MACF1: variants seen among roughly 807,000 people sequenced by gnomAD.
MACF1 encodes the protein microtubule actin crosslinking factor 1.
Under a neutral mutation model 854.8 loss-of-function variants are expected in MACF1, and 193 were observed. The observed-to-expected ratio is 0.23, with a 90% CI of 0.20 to 0.25. The LOEUF (loss-of-function observed/expected upper bound fraction) is 0.25. Among genes scored for constraint, MACF1 ranks in the 10% least tolerant of loss-of-function variants. MACF1 has a pLI of 1.00. For missense variants in MACF1, 7,722 were observed against 8,929.1 expected (o/e 0.86, Z 5.45); for synonymous variants, 3,185 against 3,226.7 (o/e 0.99, Z 0.44).
Position 39,358,845 on chromosome 1 carries a change from T to C in MACF1, c.12092T>C (p.Val4031Ala). The C allele has an allele frequency of 6.2e-7, 1 of 1,611,096 alleles. No individual in the cohort carries two copies. Among genetic ancestry groups the C allele is most frequent in the Non-Finnish European group, 8.5e-7 (1 of 1,179,268 alleles). ...LSDTVASDPG[V>A]LQEQLATTKQ... is the part of the protein sequence containing the mutation. The stretch of plus-strand genomic sequence containing the variant: ...GATACTGTTGCCTCTGACCCTGGAG[T>C]TCTCCAGGAGCAGCTTGCAACAACA... The change falls in exon 46 of 101, where the codon GTT becomes GCT. Residue 4031 changes from valine (V) to alanine (A), a missense_variant. Physicochemically the swap from Val to Ala is moderately conservative, Grantham distance 64. This residue lies in a region of MACF1 where 2,807 missense variants were observed against 3,235.8 expected (regional missense o/e 0.87). Coordinates refer to ENST00000564288, the MANE Select transcript of MACF1 (RefSeq NM_001394062.1).
Position 39,336,623 on chromosome 1 carries a change from T to A in MACF1, c.10035T>A (p.Gly3345=). ...CACCTGAAGGAAAGGGAAATGGAGG[T>A]GTAAACCCAGAGCCCTTCAGAGCAA... The part of the protein sequence containing the change: ...MTAPEGKGNG[G]VNPEPFRATQ... The change falls in exon 37 of 101, where the codon GGT becomes GGA. Residue 3345 remains glycine, a synonymous_variant. Transcript: ENST00000564288. 5 of 1,612,064 alleles carry A rather than the reference T, an allele frequency of 3.1e-6. No homozygotes were observed. The highest frequency in any genetic ancestry group is 4.2e-6 in the Non-Finnish European group (5 of 1,179,694).
chr1:39,125,960 T>G (rs1352879289), intron 2 of MACF1, among the ~76,000 whole-genome samples: 1 of 152,186 alleles, frequency 6.6e-6, no homozygotes, highest in Non-Finnish European at 1.5e-5. Context: ...GCCACTGCAC[T>G]CCATCCTGGG....
intron 1 of MACF1, among the ~76,000 whole-genome samples, chr1:39,230,653 T>C (rs894828646): frequency 6.6e-6 from 1 of 150,994 alleles, no homozygotes; most frequent in African/African-American, 2.4e-5. Context: ...AGGGAAGAGA[T>C]GTGCAGTGGG....
chr1:39,335,432 A>G lies in MACF1; in HGVS notation c.8844A>G (p.Glu2948=). ...GGGAAGTGATTTTGGAAGTACAAGAAACATATTGTGAAACGTCAGGCAAAT... is the reference window on the plus strand; with the variant it reads ...GGGAAGTGATTTTGGAAGTACAAGAGACATATTGTGAAACGTCAGGCAAAT... ...NQGEVILEVQ[E]TYCETSGKLP... is the part of the protein sequence containing the mutation. The change falls in exon 37 of 101, where the codon GAA becomes GAG. Residue 2948 remains glutamate (E), a synonymous_variant. Coordinates refer to ENST00000564288, the MANE Select transcript of MACF1 (RefSeq NM_001394062.1). 6.2e-7 allele frequency: 1 copy of G among 1,614,210 alleles called. No homozygotes were observed. The highest frequency in any genetic ancestry group is 8.5e-7 in the Non-Finnish European group (1 of 1,180,028).
At position 39,336,714 on chromosome 1, in the gene MACF1, C is replaced by T. The variant is rs1465681751; in HGVS notation, c.10065+61C>T. On this transcript the variant is annotated intron_variant, in intron 37 of 100. Coordinates refer to ENST00000564288, the MANE Select transcript of MACF1 (RefSeq NM_001394062.1). Reference sequence around the variant, plus strand: ...ATACAATTAGTTTAATGCTAAAATTCTTAACTGGGTACAGAGTTTACATAT... The same window carrying T: ...ATACAATTAGTTTAATGCTAAAATTTTTAACTGGGTACAGAGTTTACATAT... 3.5e-6 allele frequency: 5 copies of T among 1,443,612 alleles called. No individual in the cohort carries two copies. The African/African-American group carries it at 7.2e-5, about 21-fold the overall frequency. The allele number at this position is 1,443,612 out of a possible 1,614,324, so 89.4% of individuals were successfully genotyped here. A position where few individuals can be genotyped will look rare whatever the true frequency, so the allele number is the denominator to read the frequency against.
intron 58 of MACF1, chr1:39,410,345 A>G (rs1284349937): frequency 1.9e-6 from 3 of 1,613,964 alleles, no homozygotes; most frequent in South Asian, 1.1e-5. Flanking sequence ...GAGGATGGCT[A>G]CATAGAGGAC....
intron 2 of MACF1, among the ~76,000 whole-genome samples, chr1:39,122,012 T>G (rs955770534): frequency 6.6e-6 from 1 of 152,124 alleles, no homozygotes; most frequent in Non-Finnish European, 1.5e-5. Flanking sequence ...ATGGTCTGAT[T>G]TGAACTACTC....
rs758894450 is a variant in MACF1, at chr1:39,334,756, C to T, written c.8168C>T (p.Ser2723Phe). Reference sequence around the variant, plus strand: ...GAAAACATGGTCAGAATTATTGCATCTCATCAGGTGTTAAATGGAGGAATT... The same window carrying T: ...GAAAACATGGTCAGAATTATTGCATTTCATCAGGTGTTAAATGGAGGAATT... ...VDENMVRIIA[S>F]HQVLNGGIVD... Residue 2723 changes from serine (S) to phenylalanine (F), a missense_variant, in exon 37 of 101, where the codon TCT becomes TTT. Ser to Phe is a radical substitution (Grantham distance 155). Coordinates refer to ENST00000564288, the MANE Select transcript of MACF1 (RefSeq NM_001394062.1). 5.0e-6 allele frequency: 8 copies of T among 1,613,976 alleles called. No homozygotes were observed. In the African/African-American group the frequency reaches 8.0e-5, roughly 16 times the overall value.
At chr1:39,273,836 C>G (rs1037723279) in intron 6 of MACF1, among the ~76,000 whole-genome samples, 2 of 152,236 alleles carry the variant, frequency 1.3e-5, no homozygotes, top group East Asian at 3.9e-4. Context: ...GTAATCCGCC[C>G]GCCTCGGCTT....
At chr1:39,262,446 GA>G (rs1038462195) in intron 6 of MACF1, among the ~76,000 whole-genome samples, 5 of 134,416 alleles carry the variant, frequency 3.7e-5, no homozygotes, top group African/African-American at 1.1e-4. Flanking sequence ...ATACAAAATT[GA>G]ACTAGATACA....
chr1:39,112,117 C>T (rs553840408), intron 2 of MACF1, among the ~76,000 whole-genome samples: 10 of 142,196 alleles, frequency 7.0e-5, no homozygotes, highest in South Asian at 4.4e-4. Context: ...AACAGAGTCT[C>T]GCTCTGTTGC....
chr1:39,202,343 T>C (rs67020650), upstream of MACF1, among the ~76,000 whole-genome samples: 24,007 of 149,312 alleles, frequency 0.16, 2,383 homozygotes, highest in Middle Eastern at 0.22. Flanking sequence ...ACCGTAAACT[T>C]GGCTAGGTGC....
At chr1:39,468,875 T>G in intron 96 of MACF1, 143 bp downstream of exon 96, 2 of 727,388 alleles carry the variant, frequency 2.7e-6, no homozygotes, top group Non-Finnish European at 4.6e-6. Context: ...TAGCACAGAT[T>G]AGAACTCAGG....
At position 39,432,657 on chromosome 1, in the gene MACF1, A is replaced by G. The variant is rs1392762922; in HGVS notation, c.17457+3A>G. The G allele has an allele frequency of 2.5e-6, 4 of 1,613,332 alleles. No homozygotes were observed. The African/African-American group carries it at 4.0e-5, about 16-fold the overall frequency. On this transcript the variant is annotated splice_donor_region_variant and intron_variant, in intron 67 of 100. Transcript: ENST00000564288. ...CAGCTCAGCTTCAGGTACAGAAGGT[A>G]CGTGCCCACTCTTTCCTGAGCTAAT...
At chr1:39,365,866 G>A (rs934997726) in intron 49 of MACF1, among the ~76,000 whole-genome samples, 1 of 151,914 alleles carries the variant, frequency 6.6e-6, no homozygotes, top group East Asian at 1.9e-4. Context: ...AGCAGAGACG[G>A]GGTTTCACCA....
intron 2 of MACF1, among the ~76,000 whole-genome samples, chr1:39,186,964 T>C (rs1054468873): frequency 4.6e-5 from 7 of 151,066 alleles, no homozygotes; most frequent in Admixed American, 1.3e-4. Flanking sequence ...TATATTTCTT[T>C]CTCTTTTACT....
chr1:39,198,911 T>C (rs140992964), intron 2 of MACF1, among the ~76,000 whole-genome samples: 9 of 152,212 alleles, frequency 5.9e-5, no homozygotes, highest in Non-Finnish European at 1.2e-4. Context: ...GGAACTATTA[T>C]ATAAATAAGT....
At position 39,346,994 on chromosome 1, in the gene MACF1, G is replaced by A. The variant is rs777982796; in HGVS notation, c.10599G>A (p.Met3533Ile). The change falls in exon 41 of 101, where the codon ATG becomes ATA. Residue 3533 changes from methionine (M) to isoleucine (I), a missense_variant. By Grantham distance (10) the Met-to-Ile change is conservative. Transcript: ENST00000564288. ...LQQYEDLKQP[M>I]AERKAQLDAL... The stretch of plus-strand genomic sequence containing the variant: ...TACCTTAGGATTTGAAACAGCCCAT[G>A]GCTGAAAGGAAAGCTCAGCTGGATG... 6.2e-7 allele frequency: 1 copy of A among 1,611,544 alleles called. No individual in the cohort carries two copies. The highest frequency in any genetic ancestry group is 1.1e-5 in the South Asian group (1 of 90,462).
chr1:39,432,538 G>C lies in MACF1; in HGVS notation c.17341G>C (p.Glu5781Gln). ...DAAIQRSQQY[E>Q]QAADAELAWV... ...TTTTCTTTAATACGTCTATTAGTAT[G>C]AGCAAGCTGCCGATGCAGAACTAGC... The change falls in exon 67 of 101, where the codon GAG becomes CAG. Residue 5781 changes from glutamate (E) to glutamine (Q), a missense_variant. Glu to Gln is a conservative substitution (Grantham distance 29, BLOSUM62 2). Coordinates refer to ENST00000564288, the MANE Select transcript of MACF1 (RefSeq NM_001394062.1). 6.2e-7 allele frequency: 1 copy of C among 1,613,998 alleles called. No homozygotes were observed. Among genetic ancestry groups the C allele is most frequent in the Non-Finnish European group, 8.5e-7 (1 of 1,179,936 alleles).
Sources: allele counts gnomAD v4.1 joint callset (sites outside exome capture counted in the v4.1 genomes callset), GRCh38; gene constraint gnomAD v4.1.1; regional missense constraint gnomAD v4.1.1; transcripts MANE v1.5; gene names NCBI Gene and HGNC (gene_info 2026-07-23, HGNC 2026-07-21).